The following MYO3A variants were observed in gnomAD, a reference collection of about 807,000 sequenced individuals.
MYO3A encodes the protein myosin IIIA.
Under a neutral mutation model 192.7 loss-of-function variants are expected in MYO3A, and 180 were observed. The ratio of observed to expected loss-of-function variants is 0.93; its 90% CI spans 0.83 to 1.06. MYO3A has a LOEUF of 1.06. MYO3A is among the 50% of genes least tolerant of loss of function. MYO3A has a pLI of 0.00. For missense variants in MYO3A, 1,896 were observed against 1,905.0 expected (o/e 1.00, Z 0.09); for synonymous variants, 628 against 645.3 (o/e 0.97, Z 0.41).
At chr10:26,068,191 T>C (rs1244671403) in intron 11 of MYO3A, among the ~76,000 whole-genome samples, 1 of 152,204 alleles carries the variant, frequency 6.6e-6, no homozygotes, top group Non-Finnish European at 1.5e-5. Context: ...AGTTTCTTTT[T>C]GGACCTAAGA....
intron 4 of MYO3A, among the ~76,000 whole-genome samples, chr10:25,982,451 A>G (rs892286745): frequency 6.6e-6 from 1 of 152,160 alleles, no homozygotes; most frequent in Non-Finnish European, 1.5e-5. Flanking sequence ...TGCAGCTGAT[A>G]TGCTATTGAA....
intron 19 of MYO3A, among the ~76,000 whole-genome samples, chr10:26,127,827 T>C (rs910169171): frequency 6.6e-6 from 1 of 151,764 alleles, no homozygotes; most frequent in African/African-American, 2.4e-5. Flanking sequence ...AGTATTTAAA[T>C]GTAAAAATAA....
intron 14 of MYO3A, among the ~76,000 whole-genome samples, chr10:26,084,389 G>A (rs578177694): frequency 6.6e-6 from 1 of 152,252 alleles, no homozygotes; most frequent in Admixed American, 6.5e-5. Flanking sequence ...CAGAGAAATT[G>A]GCCTGTGGTT....
At chr10:26,075,705 ATG>A (rs1835508707) in intron 14 of MYO3A, among the ~76,000 whole-genome samples, 2 of 145,264 alleles carry the variant, frequency 1.4e-5, no homozygotes, top group Admixed American at 1.4e-4. Context: ...TGATATATAT[ATG>A]TCTCTCTCAT....
chr10:25,999,001 C>A (rs1364571234), intron 6 of MYO3A, among the ~76,000 whole-genome samples: 1 of 152,084 alleles, frequency 6.6e-6, no homozygotes, highest in Non-Finnish European at 1.5e-5. Context: ...GGGTTCACAC[C>A]ATTCTCCTGC....
intron 10 of MYO3A, among the ~76,000 whole-genome samples, chr10:26,060,259 CAAT>C (rs1341582646): frequency 4.5e-5 from 6 of 133,470 alleles, no homozygotes; most frequent in Non-Finnish European, 8.4e-5. Context: ...AACTCCATCT[CAAT>C]AAATAAATAA....
At chr10:26,124,721 G>A (rs573411712) in intron 18 of MYO3A, among the ~76,000 whole-genome samples, 1 of 152,186 alleles carries the variant, frequency 6.6e-6, no homozygotes, top group African/African-American at 2.4e-5. Flanking sequence ...ATTCAAAAAT[G>A]AGTTTTGTTC....
Position 26,068,891 on chromosome 10 carries a change from CGTAT to C in MYO3A, c.1170+9_1170+12del. The C allele has an allele frequency of 6.6e-7, 1 of 1,524,474 alleles. No homozygotes were observed. 94.4% of individuals were successfully genotyped at this position (1,524,474 alleles called of 1,614,324 possible). Reference sequence around the variant, plus strand: ...GGGTCTTTACTCCACAAAGGTATGTCGTATGGGGTGCATTCTGTTACTTCATACA... The same window carrying C: ...GGGTCTTTACTCCACAAAGGTATGTCGGGGTGCATTCTGTTACTTCATACA... On this transcript the variant is annotated splice_region_variant and intron_variant, in intron 12 of 34. Transcript: ENST00000642920.
intron 4 of MYO3A, among the ~76,000 whole-genome samples, chr10:25,990,241 C>T (rs183647425): frequency 1.4e-4 from 21 of 152,028 alleles, no homozygotes; most frequent in African/African-American, 2.9e-4. Flanking sequence ...AAAGTATGTA[C>T]GGGTACATGA....
At chr10:26,073,305 C>T (rs1835326180) in intron 14 of MYO3A, among the ~76,000 whole-genome samples, 1 of 152,134 alleles carries the variant, frequency 6.6e-6, no homozygotes, top group Admixed American at 6.5e-5. Context: ...GGAGTGGTGG[C>T]TCATGCCTGT....
At chr10:25,982,277 C>A (rs1430270239) in intron 4 of MYO3A, among the ~76,000 whole-genome samples, 1 of 152,126 alleles carries the variant, frequency 6.6e-6, no homozygotes, top group Non-Finnish European at 1.5e-5. Context: ...ACACACCTAT[C>A]CCTGCCGCCA....
At chr10:26,047,496 G>A (rs536198326) in intron 10 of MYO3A, among the ~76,000 whole-genome samples, 17 of 152,224 alleles carry the variant, frequency 1.1e-4, no homozygotes, top group Admixed American at 9.2e-4. Flanking sequence ...ATTTCCGGCC[G>A]GGCACAGTGG....
At chr10:26,075,642 G>GATATATATGTCTCTCATATATATATGAT (rs1835495755) in intron 14 of MYO3A, among the ~76,000 whole-genome samples, 4 of 136,400 alleles carry the variant, frequency 2.9e-5, no homozygotes, top group African/African-American at 8.2e-5. Context: ...TCTCATATAT[G>GATATATATGTCTCTCATATATATATGAT]ATATATATGT....
At chr10:26,022,844 T>TAAC (rs78058635) in intron 8 of MYO3A, 3 of 152,340 alleles carry the variant, frequency 2.0e-5, no homozygotes, top group East Asian at 3.8e-4. Context: ...TGTACCTAGG[T>TAAC]AACAGGCAAT....
intron 20 of MYO3A, among the ~76,000 whole-genome samples, chr10:26,133,257 C>CAA (rs1300353095): frequency 6.6e-6 from 1 of 152,220 alleles, no homozygotes; most frequent in Non-Finnish European, 1.5e-5. Context: ...CTTAATACAA[C>CAA]AAATCTTCCT....
At chr10:26,089,681 G>C (rs1031848894) in intron 15 of MYO3A, among the ~76,000 whole-genome samples, 1 of 151,740 alleles carries the variant, frequency 6.6e-6, no homozygotes, top group Non-Finnish European at 1.5e-5. Context: ...ATCCACTTTG[G>C]GTAAGATATT....
intron 2 of MYO3A, among the ~76,000 whole-genome samples, chr10:25,937,172 A>G (rs1214771378): frequency 6.6e-6 from 1 of 152,222 alleles, no homozygotes; most frequent in African/African-American, 2.4e-5. Context: ...ATGGAGGACC[A>G]GGCAAGACAG....
At chr10:26,027,114 A>T (rs191946315) in intron 10 of MYO3A, among the ~76,000 whole-genome samples, 80 of 152,246 alleles carry the variant, frequency 5.3e-4, no homozygotes, top group African/African-American at 1.9e-3. Flanking sequence ...TTTGGGATTT[A>T]AAAAAACCAT....
At chr10:25,956,037 C>G (rs1226974774) in intron 4 of MYO3A, among the ~76,000 whole-genome samples, 1 of 152,136 alleles carries the variant, frequency 6.6e-6, no homozygotes, top group Admixed American at 6.6e-5. Flanking sequence ...CAAGATGGCA[C>G]CTTGTTGCTA....
Sources: allele counts gnomAD v4.1 joint callset (sites outside exome capture counted in the v4.1 genomes callset), GRCh38; gene constraint gnomAD v4.1.1; transcripts MANE v1.5; gene names NCBI Gene and HGNC (gene_info 2026-07-23, HGNC 2026-07-21).